FUT9: variants seen among roughly 807,000 people sequenced by gnomAD.
The protein encoded by FUT9 is fucosyltransferase 9.
In FUT9, 15 loss-of-function variants were observed where a neutral mutation model predicts 29.7. The ratio of observed to expected loss-of-function variants is 0.51; its 90% CI spans 0.34 to 0.78. The LOEUF is 0.78. FUT9 is among the 30% of genes least tolerant of loss of function. The pLI, the probability that FUT9 is intolerant of heterozygous loss-of-function variation, is 0.01. For missense variants in FUT9, 319 were observed against 425.4 expected (o/e 0.75, Z 2.20); for synonymous variants, 169 against 153.7 (o/e 1.10, Z -0.74).
intron 1 of FUT9, among the ~76,000 whole-genome samples, chr6:96,085,048 C>T (rs1034139839): frequency 1.3e-5 from 2 of 152,142 alleles, no homozygotes; most frequent in African/African-American, 4.8e-5. Flanking sequence ...AAGGACTTAT[C>T]AGGCTCCACA....
At chr6:96,072,364 A>T (rs984023186) in intron 1 of FUT9, among the ~76,000 whole-genome samples, 4 of 152,192 alleles carry the variant, frequency 2.6e-5, no homozygotes, top group Non-Finnish European at 5.9e-5. Context: ...AACACTAATG[A>T]TGTAAAAAAT....
chr6:96,053,457 C>G (rs886475032), intron 1 of FUT9, among the ~76,000 whole-genome samples: 1 of 152,038 alleles, frequency 6.6e-6, no homozygotes, highest in African/African-American at 2.4e-5. Context: ...GCCTGTAATC[C>G]CAGCACTTTG....
intron 2 of FUT9, among the ~76,000 whole-genome samples, chr6:96,179,788 A>T (rs1344621058): frequency 6.6e-6 from 1 of 152,100 alleles, no homozygotes; most frequent in Non-Finnish European, 1.5e-5. Flanking sequence ...ATTGAAGGTC[A>T]AAGAGGGGCA....
intron 2 of FUT9, among the ~76,000 whole-genome samples, chr6:96,122,234 G>A (rs1458252089): frequency 1.3e-5 from 2 of 152,142 alleles, no homozygotes; most frequent in Non-Finnish European, 2.9e-5. Flanking sequence ...GTTAACACAT[G>A]AATAGAATTT....
At chr6:96,179,832 G>A (rs756581589) in intron 2 of FUT9, among the ~76,000 whole-genome samples, 6 of 151,978 alleles carry the variant, frequency 3.9e-5, no homozygotes, top group African/African-American at 7.3e-5. Context: ...TCTTAATCTC[G>A]TACAGCCAGA....
rs1212843212 is a variant in FUT9, at chr6:96,203,544, A to G, written c.389A>G (p.Lys130Arg). 6.2e-7 allele frequency: 1 copy of G among 1,613,864 alleles called. No homozygotes were observed. The highest frequency in any genetic ancestry group is 8.5e-7 in the Non-Finnish European group (1 of 1,179,960). ...CAGCAAGCTAGGCCACCCTTCCAGA[A>G]ATGGATTTGGATGAATTTGGAATCA... Reference protein sequence around the residue: ...LPQQARPPFQKWIWMNLESPT... With the variant: ...LPQQARPPFQRWIWMNLESPT... Residue 130 changes from lysine to arginine, a missense_variant, in exon 3 of 3, where the codon AAA (lysine) becomes AGA (arginine). Lys to Arg is a conservative substitution (Grantham distance 26). Coordinates refer to ENST00000302103, the MANE Select transcript of FUT9 (RefSeq NM_006581.4).
At chr6:96,046,336 A>G (rs1293694914) in intron 1 of FUT9, among the ~76,000 whole-genome samples, 1 of 152,072 alleles carries the variant, frequency 6.6e-6, no homozygotes, top group Non-Finnish European at 1.5e-5. Flanking sequence ...TTCATTTAAG[A>G]AAATTGTTGC....
intron 2 of FUT9, among the ~76,000 whole-genome samples, chr6:96,155,807 C>T (rs7741327): frequency 0.16 from 24,115 of 152,160 alleles, 2,121 homozygotes; most frequent in African/African-American, 0.19. Context: ...AAGAAAGAGT[C>T]TCAGAAGGAC....
At chr6:96,070,642 G>A (rs1771043447) in intron 1 of FUT9, among the ~76,000 whole-genome samples, 1 of 152,008 alleles carries the variant, frequency 6.6e-6, no homozygotes, top group African/African-American at 2.4e-5. Context: ...AGCCGAGATT[G>A]TGCCACTGCA....
chr6:96,198,273 C>A (rs1230956657), intron 2 of FUT9, among the ~76,000 whole-genome samples: 2 of 150,502 alleles, frequency 1.3e-5, no homozygotes, highest in Non-Finnish European at 3.0e-5. Flanking sequence ...CCACCTCCCC[C>A]CACCCCACAA....
chr6:96,119,986 T>C (rs1326476804), intron 2 of FUT9, among the ~76,000 whole-genome samples: 1 of 152,186 alleles, frequency 6.6e-6, no homozygotes, highest in Non-Finnish European at 1.5e-5. Context: ...ATAGTAGGTA[T>C]AGGAGGCAAA....
intron 1 of FUT9, among the ~76,000 whole-genome samples, chr6:96,063,988 T>C (rs988776607): frequency 6.6e-6 from 1 of 152,186 alleles, no homozygotes; most frequent in Non-Finnish European, 1.5e-5. Context: ...CAGTAGTCTC[T>C]TGGTTACACT....
rs936489029 is a variant in FUT9, at chr6:96,214,415, G to C, written c.*10180G>C. 1.2e-5 allele frequency: 2 copies of C among 166,916 alleles called. No individual in the cohort carries two copies. Among genetic ancestry groups the C allele is most frequent in the African/African-American group, 4.8e-5 (2 of 41,420 alleles). The allele number at this position is 166,916 out of a possible 1,614,324, so 10.3% of individuals were successfully genotyped here. ...TCTAGGCAGTCTTGACAGTCAACCA[G>C]TGTAATCACTAGGGGAAGAAAAAGT... On this transcript the variant is annotated 3_prime_UTR_variant, in exon 3 of 3. Transcript: ENST00000302103.
intron 1 of FUT9, among the ~76,000 whole-genome samples, chr6:96,028,012 G>C (rs988259420): frequency 6.6e-6 from 1 of 151,574 alleles, no homozygotes; most frequent in African/African-American, 2.4e-5. Flanking sequence ...GGAATAAAAA[G>C]GTTGGAGTGA....
chr6:96,074,510 C>T (rs916529009), intron 1 of FUT9, among the ~76,000 whole-genome samples: 3 of 152,090 alleles, frequency 2.0e-5, no homozygotes, highest in African/African-American at 7.2e-5. Flanking sequence ...TGGCATGTCC[C>T]TTTTCTTCTT....
rs34744508 is a variant in FUT9 at position 96,207,230 on chromosome 6, TACAC to T, written c.*3012_*3015del. On this transcript the variant is annotated 3_prime_UTR_variant, in exon 3 of 3. Coordinates refer to ENST00000302103, the MANE Select transcript of FUT9 (RefSeq NM_006581.4). ...TTCAAGACACACATTCACACACACA[TACAC>T]ACACACACACACACACCCCACAGCT... 4.1e-4 allele frequency: 66 copies of T among 161,086 alleles called. No individual in the cohort carries two copies. Among genetic ancestry groups the T allele is most frequent in the South Asian group, 8.5e-4 (4 of 4,716 alleles). The allele number at this position is 161,086 out of a possible 1,614,324, so 10.0% of individuals were successfully genotyped here. A position where few individuals can be genotyped will look rare whatever the true frequency, so the allele number is the denominator to read the frequency against.
chr6:96,078,900 C>T (rs914029911), intron 1 of FUT9, among the ~76,000 whole-genome samples: 1 of 152,068 alleles, frequency 6.6e-6, no homozygotes, highest in Non-Finnish European at 1.5e-5. Context: ...AATATTTAGG[C>T]TTTTGCTTCT....
intron 2 of FUT9, among the ~76,000 whole-genome samples, chr6:96,166,952 T>G (rs1287881375): frequency 6.6e-6 from 1 of 152,180 alleles, no homozygotes; most frequent in East Asian, 1.9e-4. Context: ...TTTGTAGATG[T>G]TCATTCAGTA....
rs377322221 is a variant in FUT9, at chr6:96,024,632, C to T, written c.-98+8420C>T. On this transcript the variant is annotated intron_variant, in intron 1 of 2. Coordinates refer to ENST00000302103, the MANE Select transcript of FUT9 (RefSeq NM_006581.4). ...TCACACAATGGTGACTTTAAGGCAT[C>T]CACCTTAATTTGGGGCATTAGCTGC... Among the ~76,000 whole-genome samples, 6 of 151,832 alleles carry T rather than the reference C, an allele frequency of 4.0e-5. No individual in the cohort carries two copies. The East Asian group carries it at 5.8e-4, about 15-fold the overall frequency.
Sources: allele counts gnomAD v4.1 joint callset (sites outside exome capture counted in the v4.1 genomes callset), GRCh38; gene constraint gnomAD v4.1.1; transcripts MANE v1.5; gene names NCBI Gene and HGNC (gene_info 2026-07-23, HGNC 2026-07-21).